HOXC11: variants seen among roughly 807,000 people sequenced by gnomAD.
HOXC11 encodes homeobox C11.
A neutral mutation model predicts 23.6 loss-of-function variants in HOXC11; 17 were observed. That is an observed-to-expected ratio of 0.72 (90% CI 0.49 to 1.08). HOXC11 has a LOEUF of 1.08. Among genes scored for constraint, HOXC11 ranks in the 50% least tolerant of loss-of-function variants. The pLI is 0.00. For synonymous variants in HOXC11, 196 were observed against 183.8 expected, an observed-to-expected ratio of 1.07 and a Z score of -0.54; for missense variants, 413 against 412.1, an observed-to-expected ratio of 1.00 and a Z score of -0.02.
At position 53,975,192 on chromosome 12, in the gene HOXC11, A is replaced by T; in HGVS notation, c.694A>T (p.Thr232Ser). 1 of 1,297,630 alleles carries T rather than the reference A, an allele frequency of 7.7e-7. No homozygotes were observed. Among genetic ancestry groups the T allele is most frequent in the Admixed American group, 2.4e-5 (1 of 42,272 alleles). 80.4% of individuals were successfully genotyped at this position (1,297,630 alleles called of 1,614,324 possible). ...TCCCCTCCCTCCAGACGCCCCCCGC[A>T]CCCGCAAGAAGCGCTGCCCTTATTC... Reference protein sequence around the residue: ...AKGAAPNAPRTRKKRCPYSKF... With the variant: ...AKGAAPNAPRSRKKRCPYSKF... Residue 232 changes from threonine to serine, a missense_variant, in exon 2 of 2, where the codon ACC (threonine) becomes TCC (serine). Transcript: ENST00000546378.
In HOXC11 at chr12:53,973,183, T is replaced by C. The variant is rs563309038; in HGVS notation, c.-59T>C. The C allele has an allele frequency of 3.7e-5, 52 of 1,390,318 alleles. No individual in the cohort carries two copies. The highest frequency in any genetic ancestry group is 1.4e-4 in the East Asian group (6 of 43,380). 86.1% of individuals were successfully genotyped at this position (1,390,318 alleles called of 1,614,324 possible). ...CGCGTCATCTCGCCTTCCCAAATTT[T>C]CCCCCCTCGCTAGACCGGGTCCAAA... is the stretch of plus-strand genomic sequence containing the variant. On this transcript the variant is annotated 5_prime_UTR_variant, in exon 1 of 2. Transcript: ENST00000546378. This position sits in a 1 kb window ranked among gnomAD's most constrained non-coding sequence, Gnocchi z 4.3.
chr12:53,975,117 T>G, intron 1 of HOXC11, 64 bp from the exon 2 acceptor site: 1 of 730,954 alleles, frequency 1.4e-6, no homozygotes, highest in South Asian at 1.8e-5. Context: ...CGGGCTGGGG[T>G]CGCCCGGGTC....
At position 53,973,731 on chromosome 12, in the gene HOXC11, G is replaced by A. The variant is rs1264250082; in HGVS notation, c.490G>A (p.Asp164Asn). 1.2e-6 allele frequency: 2 copies of A among 1,612,146 alleles called. No individual in the cohort carries two copies. The highest frequency in any genetic ancestry group is 1.7e-5 in the Admixed American group (1 of 59,996). Residue 164 changes from aspartate (D) to asparagine (N), a missense_variant, in exon 1 of 2, where the codon GAC becomes AAC. Transcript: ENST00000546378. The surrounding 1 kb of genome is among the most constrained non-coding windows in gnomAD (Gnocchi z 4.3). Reference protein sequence around the residue: ...FFDNAYCGGGDPPAEPPCSGK... With the variant: ...FFDNAYCGGGNPPAEPPCSGK... ...CGACAACGCCTACTGCGGTGGCGGC[G>A]ACCCGCCCGCCGAGCCCCCCTGCTC...
rs1280518988 is a variant in HOXC11 at position 53,976,921 on chromosome 12, G to A, written c.*1508G>A. 1 of 151,820 alleles carries A rather than the reference G, an allele frequency of 6.6e-6. No homozygotes were observed. The highest frequency in any genetic ancestry group is 6.6e-5 in the Admixed American group (1 of 15,252). The allele number at this position is 151,820 out of a possible 1,614,324, so 9.4% of individuals were successfully genotyped here. A position where few individuals can be genotyped will look rare whatever the true frequency, so the allele number is the denominator to read the frequency against. On this transcript the variant is annotated 3_prime_UTR_variant, in exon 2 of 2. Coordinates refer to ENST00000546378, the MANE Select transcript of HOXC11 (RefSeq NM_014212.4). Reference sequence around the variant, plus strand: ...TATACACTGTTTTTAAGGAAGGAGGGGACAGAAGGAGAAACCAGCCCCCTC... The same window carrying A: ...TATACACTGTTTTTAAGGAAGGAGGAGACAGAAGGAGAAACCAGCCCCCTC...
chr12:53,973,874 C>A lies in HOXC11; in HGVS notation c.633C>A (p.Ser211=), dbSNP rs775428321. The A allele has an allele frequency of 6.8e-7, 1 of 1,460,010 alleles. No homozygotes were observed. Among genetic ancestry groups the A allele is most frequent in the Non-Finnish European group, 9.0e-7 (1 of 1,106,826 alleles). 90.4% of individuals were successfully genotyped at this position (1,460,010 alleles called of 1,614,324 possible). ...AGGAGAACACAAATCCCAGCTCGTCCGGTTCAGCCCACTCCGTGGCCAAGG... is the reference window on the plus strand; with the variant it reads ...AGGAGAACACAAATCCCAGCTCGTCAGGTTCAGCCCACTCCGTGGCCAAGG... The part of the protein sequence containing the change: ...AEEENTNPSS[S]GSAHSVAKEP... The change falls in exon 1 of 2, where the codon TCC becomes TCA. Residue 211 remains serine (S), a synonymous_variant. Coordinates refer to ENST00000546378, the MANE Select transcript of HOXC11 (RefSeq NM_014212.4). This position sits in a 1 kb window ranked among gnomAD's most constrained non-coding sequence, Gnocchi z 4.3.
At position 53,975,167 on chromosome 12, in the gene HOXC11, T is replaced by TCCCC; in HGVS notation, c.683-13_683-10dup. 1 of 789,688 alleles carries TCCCC rather than the reference T, an allele frequency of 1.3e-6. No homozygotes were observed. The highest frequency in any genetic ancestry group is 2.5e-5 in the Admixed American group (1 of 39,336). 48.9% of individuals were successfully genotyped at this position (789,688 alleles called of 1,614,324 possible). A position where few individuals can be genotyped will look rare whatever the true frequency, so the allele number is the denominator to read the frequency against. On this transcript the variant is annotated splice_polypyrimidine_tract_variant and intron_variant, in intron 1 of 1. Transcript: ENST00000546378. ...CCCCCCTCTCCTCGCACTTGCCCCC[T>TCCCC]CCCCTCCCTCCAGACGCCCCCCGCA...
Position 53,973,510 on chromosome 12 carries a change from C to A in HOXC11, c.269C>A (p.Ser90Tyr). 6.2e-7 allele frequency: 1 copy of A among 1,614,090 alleles called. No homozygotes were observed. The highest frequency in any genetic ancestry group is 8.5e-7 in the Non-Finnish European group (1 of 1,180,030). The change falls in exon 1 of 2, where the codon TCC (serine) becomes TAC (tyrosine). Residue 90 changes from serine to tyrosine, a missense_variant. Physicochemically the swap from Ser to Tyr is moderately radical, Grantham distance 144. Coordinates refer to ENST00000546378, the MANE Select transcript of HOXC11 (RefSeq NM_014212.4). This position sits in a 1 kb window ranked among gnomAD's most constrained non-coding sequence, Gnocchi z 4.3. ...AAGTGGCACCATCGGAACAGCTACT[C>A]CTCCTGCTATGCGGCGGCCGACGAG... ...SGKWHHRNSY[S>Y]SCYAAADELM... is the part of the protein sequence containing the mutation.
rs749585496 is a variant in HOXC11, at chr12:53,973,661, A to T, written c.420A>T (p.Ser140=). 2 of 1,613,264 alleles carry T rather than the reference A, an allele frequency of 1.2e-6. No homozygotes were observed. The highest frequency in any genetic ancestry group is 3.3e-5 in the Admixed American group (2 of 59,970). The change falls in exon 1 of 2, where the codon TCA becomes TCT. Residue 140 remains serine, a synonymous_variant. Coordinates refer to ENST00000546378, the MANE Select transcript of HOXC11 (RefSeq NM_014212.4). The surrounding 1 kb of genome is among the most constrained non-coding windows in gnomAD (Gnocchi z 4.3). ...PHATPAGFYS[S]VNKNSVLPQA... is the part of the protein sequence containing the mutation. ...CAACCCCCGCCGGCTTCTACTCCTC[A>T]GTCAACAAGAACAGCGTCCTGCCTC...
At position 53,973,950 on chromosome 12, in the gene HOXC11, C is replaced by G; in HGVS notation, c.682+27C>G. 7.0e-7 allele frequency: 1 copy of G among 1,427,328 alleles called. No individual in the cohort carries two copies. The highest frequency in any genetic ancestry group is 9.2e-7 in the Non-Finnish European group (1 of 1,088,642). 88.4% of individuals were successfully genotyped at this position (1,427,328 alleles called of 1,614,324 possible). A position where few individuals can be genotyped will look rare whatever the true frequency, so the allele number is the denominator to read the frequency against. ...TAGGTAGCAGCGGCCGGGGAACGGG[C>G]GGGCAGCGAGGGAGGGAGCGAGAGA... is the stretch of plus-strand genomic sequence containing the variant. On this transcript the variant is annotated intron_variant, in intron 1 of 1. Transcript: ENST00000546378. This position sits in a 1 kb window ranked among gnomAD's most constrained non-coding sequence, Gnocchi z 4.3.
rs1939194746 is a variant in HOXC11, at chr12:53,973,774, A to C, written c.533A>C (p.Lys178Thr). 1 of 1,608,328 alleles carries C rather than the reference A, an allele frequency of 6.2e-7. No individual in the cohort carries two copies. The part of the protein sequence containing the change: ...EPPCSGKGEA[K>T]GEPEAPPASG... ...CCCTGCTCCGGCAAGGGCGAGGCCA[A>C]GGGGGAGCCCGAGGCACCCCCGGCC... is the stretch of plus-strand genomic sequence containing the variant. The change falls in exon 1 of 2, where the codon AAG (lysine) becomes ACG (threonine). Residue 178 changes from lysine (K) to threonine (T), a missense_variant. By Grantham distance (78) the Lys-to-Thr change is moderately conservative (BLOSUM62 -1). Transcript: ENST00000546378. This position sits in a 1 kb window ranked among gnomAD's most constrained non-coding sequence, Gnocchi z 4.3.
Position 53,975,176 on chromosome 12 carries a change from T to A in HOXC11, c.683-5T>A, listed in dbSNP as rs774182991. On this transcript the variant is annotated splice_region_variant and splice_polypyrimidine_tract_variant and intron_variant, in intron 1 of 1. Transcript: ENST00000546378. The stretch of plus-strand genomic sequence containing the variant: ...CCTCGCACTTGCCCCCTCCCCTCCC[T>A]CCAGACGCCCCCCGCACCCGCAAGA... The A allele has an allele frequency of 3.9e-5, 46 of 1,173,414 alleles. No individual in the cohort carries two copies. The highest frequency in any genetic ancestry group is 5.3e-5 in the Non-Finnish European group (45 of 856,812). 72.7% of individuals were successfully genotyped at this position (1,173,414 alleles called of 1,614,324 possible). A position where few individuals can be genotyped will look rare whatever the true frequency, so the allele number is the denominator to read the frequency against.
Position 53,975,191 on chromosome 12 carries a change from C to CA in HOXC11, c.694dup (p.Thr232AsnfsTer147). 1 of 1,605,008 alleles carries CA rather than the reference C, an allele frequency of 6.2e-7. No individual in the cohort carries two copies. The highest frequency in any genetic ancestry group is 8.5e-7 in the Non-Finnish European group (1 of 1,176,248). On this transcript the variant is annotated frameshift_variant, in exon 2 of 2. Coordinates refer to ENST00000546378, the MANE Select transcript of HOXC11 (RefSeq NM_014212.4). LOFTEE classifies it high-confidence loss of function. Reference sequence around the variant, plus strand: ...CTCCCCTCCCTCCAGACGCCCCCCGCACCCGCAAGAAGCGCTGCCCTTATT... The same window carrying CA: ...CTCCCCTCCCTCCAGACGCCCCCCGCAACCCGCAAGAAGCGCTGCCCTTATT...
Position 53,973,271 on chromosome 12 carries a change from C to T in HOXC11, c.30C>T (p.Phe10=). 3 of 1,612,042 alleles carry T rather than the reference C, an allele frequency of 1.9e-6. No individual in the cohort carries two copies. The highest frequency in any genetic ancestry group is 2.2e-5 in the East Asian group (1 of 44,860). Residue 10 remains phenylalanine, a synonymous_variant, in exon 1 of 2, where the codon TTC becomes TTT. Coordinates refer to ENST00000546378, the MANE Select transcript of HOXC11 (RefSeq NM_014212.4). This position sits in a 1 kb window ranked among gnomAD's most constrained non-coding sequence, Gnocchi z 4.3. MFNSVNLGN[F]CSPSRKERGA... is the part of the protein sequence containing the mutation. ...TTAACTCGGTCAACCTGGGCAACTT[C>T]TGCTCTCCGTCGCGCAAGGAGAGGG...
chr12:53,975,713 G>A lies in HOXC11; in HGVS notation c.*300G>A. 5.4e-6 allele frequency: 3 copies of A among 552,582 alleles called. No homozygotes were observed. Among genetic ancestry groups the A allele is most frequent in the Non-Finnish European group, 9.5e-6 (3 of 314,144 alleles). 34.2% of individuals were successfully genotyped at this position (552,582 alleles called of 1,614,324 possible). On this transcript the variant is annotated 3_prime_UTR_variant, in exon 2 of 2. Coordinates refer to ENST00000546378, the MANE Select transcript of HOXC11 (RefSeq NM_014212.4). ...GATTTAAAAGAAAACACACCTCGGC[G>A]ACAATGTCTTGCTGCTCGGATTAGG...
rs754957019 is a variant in HOXC11, at chr12:53,973,568, C to T, written c.327C>T (p.Thr109=). Residue 109 remains threonine (T), a synonymous_variant, in exon 1 of 2, where the codon ACC becomes ACT. Transcript: ENST00000546378. This position sits in a 1 kb window ranked among gnomAD's most constrained non-coding sequence, Gnocchi z 4.3. ...ACCGGGAGTGCCTGCCTCCTTCCAC[C>T]GTCACCGAGATCCTCATGAAAAACG... ...LMHRECLPPS[T]VTEILMKNEG... 3.5e-5 allele frequency: 57 copies of T among 1,613,026 alleles called. No homozygotes were observed. Among genetic ancestry groups the T allele is most frequent in the Non-Finnish European group, 4.7e-5 (55 of 1,180,018 alleles).
rs1015287745 is a variant in HOXC11, at chr12:53,976,785, T to G, written c.*1372T>G. 1.3e-5 allele frequency: 2 copies of G among 152,164 alleles called. No individual in the cohort carries two copies. The highest frequency in any genetic ancestry group is 4.8e-5 in the African/African-American group (2 of 41,428). The allele number at this position is 152,164 out of a possible 1,614,324, so 9.4% of individuals were successfully genotyped here. A position where few individuals can be genotyped will look rare whatever the true frequency, so the allele number is the denominator to read the frequency against. On this transcript the variant is annotated 3_prime_UTR_variant, in exon 2 of 2. Coordinates refer to ENST00000546378, the MANE Select transcript of HOXC11 (RefSeq NM_014212.4). ...GAATTTAAATTTATAGGAATTTTTT[T>G]GGCTCCACCGCCCTTCTGCCAGATG...
rs1010859827 is a variant in HOXC11 at position 53,977,425 on chromosome 12, C to A, written c.*2012C>A. 1.3e-5 allele frequency: 2 copies of A among 152,166 alleles called. No homozygotes were observed. The highest frequency in any genetic ancestry group is 2.9e-5 in the Non-Finnish European group (2 of 68,028). 9.4% of individuals were successfully genotyped at this position (152,166 alleles called of 1,614,324 possible). A position where few individuals can be genotyped will look rare whatever the true frequency, so the allele number is the denominator to read the frequency against. On this transcript the variant is annotated 3_prime_UTR_variant, in exon 2 of 2. Transcript: ENST00000546378. The stretch of plus-strand genomic sequence containing the variant: ...TTCTGTCATTTTTGATGGTAGGAAT[C>A]CCTGCAGCTTAGGTATCTAAATTTC...
chr12:53,974,103 C>CA (rs1939203729), intron 1 of HOXC11, among the ~76,000 whole-genome samples, 180 bp downstream of exon 1: 1 of 150,096 alleles, frequency 6.7e-6, no homozygotes, highest in Admixed American at 6.6e-5. Flanking sequence ...CCCTCTCTCC[C>CA]AACGACTCGA....
chr12:53,973,815 C>A lies in HOXC11; in HGVS notation c.574C>A (p.Arg192=), dbSNP rs556993752. The A allele has an allele frequency of 1.3e-6, 2 of 1,539,856 alleles. No homozygotes were observed. The highest frequency in any genetic ancestry group is 2.8e-5 in the African/African-American group (2 of 72,366). Residue 192 remains arginine, a synonymous_variant, in exon 1 of 2, where the codon CGG becomes AGG. Coordinates refer to ENST00000546378, the MANE Select transcript of HOXC11 (RefSeq NM_014212.4). This position sits in a 1 kb window ranked among gnomAD's most constrained non-coding sequence, Gnocchi z 4.3. The part of the protein sequence containing the change: ...EAPPASGLAS[R]AEAGAEAEAE... ...ACCCCCGGCCTCGGGACTGGCGTCC[C>A]GGGCTGAGGCGGGTGCCGAGGCGGA...
Sources: gnomAD v4.1 joint callset for allele counts (sites outside exome capture counted in the v4.1 genomes callset) on GRCh38, gnomAD v4.1.1 for gene constraint, Gnocchi (gnomAD v3.1) non-coding constraint, MANE v1.5 for transcripts, NCBI Gene and HGNC (gene_info 2026-07-23, HGNC 2026-07-21) for gene names.